Variants in ENTPD4 observed in about 807,000 individuals in gnomAD.
The protein encoded by ENTPD4 is ectonucleoside triphosphate diphosphohydrolase 4, also known as Golgi UDPase.
Under a neutral mutation model 79.1 loss-of-function variants are expected in ENTPD4, and 60 were observed. The observed-to-expected ratio is 0.76, with a 90% CI of 0.62 to 0.94. The LOEUF (loss-of-function observed/expected upper bound fraction) is 0.94. Ranked by LOEUF, ENTPD4 falls within the 40% of genes least tolerant of loss-of-function variation. The pLI is 0.00. For synonymous variants in ENTPD4, 276 were observed against 292.0 expected, an observed-to-expected ratio of 0.95 and a Z score of 0.56; for missense variants, 772 against 775.1, an observed-to-expected ratio of 1.00 and a Z score of 0.05.
intron 5 of ENTPD4, 99 bp downstream of exon 5, chr8:23,444,351 AATGATG>A (rs957079818): frequency 3.0e-6 from 3 of 992,638 alleles, no homozygotes; most frequent in Admixed American, 2.3e-5. Flanking sequence ...TTTTCCTTTC[AATGATG>A]ATGATGATGA....
In ENTPD4 at chr8:23,432,566, T is replaced by C. The variant is rs1585398434; in HGVS notation, c.*360A>G. On this transcript the variant is annotated 3_prime_UTR_variant, in exon 13 of 13. Transcript: ENST00000358689. The stretch of plus-strand genomic sequence containing the variant: ...CAGGCTGGAGTGCAGTGGTGTGATC[T>C]CGGCTCACTGCAAGCTCTGCCTCCC... The C allele has an allele frequency of 5.0e-6, 4 of 798,550 alleles. No homozygotes were observed. The highest frequency in any genetic ancestry group is 4.6e-6 in the Non-Finnish European group (3 of 651,818). The allele number at this position is 798,550 out of a possible 1,614,324, so 49.5% of individuals were successfully genotyped here. A position where few individuals can be genotyped will look rare whatever the true frequency, so the allele number is the denominator to read the frequency against.
chr8:23,447,391 C>T (rs1800780194), intron 4 of ENTPD4, among the ~76,000 whole-genome samples: 1 of 152,148 alleles, frequency 6.6e-6, no homozygotes, highest in South Asian at 2.1e-4. Context: ...AAAAAACTCT[C>T]CATAATTAAT....
At chr8:23,438,819 T>C (rs1800615390) in intron 9 of ENTPD4, among the ~76,000 whole-genome samples, 1 of 152,236 alleles carries the variant, frequency 6.6e-6, no homozygotes, top group Admixed American at 6.5e-5. Flanking sequence ...AAGGTTTTTA[T>C]TGCTTTTCCT....
chr8:23,449,903 T>C lies in ENTPD4; in HGVS notation c.-3A>G. The C allele has an allele frequency of 6.2e-7, 1 of 1,613,836 alleles. No individual in the cohort carries two copies. The highest frequency in any genetic ancestry group is 8.5e-7 in the Non-Finnish European group (1 of 1,179,722). On this transcript the variant is annotated 5_prime_UTR_variant, in exon 2 of 13. Coordinates refer to ENST00000358689, the MANE Select transcript of ENTPD4 (RefSeq NM_004901.5). The stretch of plus-strand genomic sequence containing the variant: ...AGGCCCATCACTTACCTCCCCATAC[T>C]GAAAGGTCAGCAACAAGGCAATGCT...
rs762601099 is a variant in ENTPD4 at position 23,441,991 on chromosome 8, G to C, written c.727+16C>G. 6.2e-6 allele frequency: 10 copies of C among 1,607,350 alleles called. No individual in the cohort carries two copies. In the East Asian group the frequency reaches 2.0e-4, roughly 32 times the overall value. ...AATTTCCAACTAGATACATTTGTTG[G>C]AACCATGACACTTACCATCTTCAAT... On this transcript the variant is annotated intron_variant, in intron 7 of 12. Transcript: ENST00000358689.
Position 23,429,865 on chromosome 8 carries a change from T to C in ENTPD4, c.*3061A>G, listed in dbSNP as rs2117267344. The stretch of plus-strand genomic sequence containing the variant: ...CTGGTACAGTTCCATGTGTTTCTCT[T>C]CTACTGTAATGTCCCCAGAGGGATT... On this transcript the variant is annotated 3_prime_UTR_variant, in exon 13 of 13. Coordinates refer to ENST00000358689, the MANE Select transcript of ENTPD4 (RefSeq NM_004901.5). 3.0e-6 allele frequency: 3 copies of C among 985,464 alleles called. No homozygotes were observed. The South Asian group carries it at 1.4e-4, about 46-fold the overall frequency. 61.0% of individuals were successfully genotyped at this position (985,464 alleles called of 1,614,324 possible). A position where few individuals can be genotyped will look rare whatever the true frequency, so the allele number is the denominator to read the frequency against.
At chr8:23,436,616 G>A (rs1476490028) in intron 10 of ENTPD4, among the ~76,000 whole-genome samples, 3 of 152,180 alleles carry the variant, frequency 2.0e-5, no homozygotes, top group Non-Finnish European at 4.4e-5. Flanking sequence ...ATCCTGGCAG[G>A]TCAGGGAGGG....
intron 8 of ENTPD4, among the ~76,000 whole-genome samples, chr8:23,440,797 G>C (rs376169162): frequency 1.9e-4 from 29 of 152,212 alleles, no homozygotes; most frequent in African/African-American, 7.0e-4. Flanking sequence ...CACGTTTACA[G>C]ATGAAGAAAC....
In ENTPD4 at chr8:23,431,118, C is replaced by T. The variant is rs750172869; in HGVS notation, c.*1808G>A. On this transcript the variant is annotated 3_prime_UTR_variant, in exon 13 of 13. Transcript: ENST00000358689. The stretch of plus-strand genomic sequence containing the variant: ...AAGCTGCACCTGAGGCAGTTTGAGC[C>T]ACAACTGGGACAGAATTCCCTTGGT... 4 of 441,876 alleles carry T rather than the reference C, an allele frequency of 9.1e-6. No individual in the cohort carries two copies. The highest frequency in any genetic ancestry group is 1.2e-5 in the Non-Finnish European group (4 of 333,720). The allele number at this position is 441,876 out of a possible 1,614,324, so 27.4% of individuals were successfully genotyped here.
intron 11 of ENTPD4, chr8:23,434,735 T>C: frequency 7.8e-7 from 1 of 1,288,864 alleles, no homozygotes; most frequent in Non-Finnish European, 9.9e-7. Flanking sequence ...CATATATCCC[T>C]GAGATAGGTT....
At chr8:23,440,553 A>G (rs1202663232) in intron 8 of ENTPD4, among the ~76,000 whole-genome samples, 1 of 152,170 alleles carries the variant, frequency 6.6e-6, no homozygotes, top group African/African-American at 2.4e-5. Flanking sequence ...ATTGAGAGGG[A>G]AAAACATGAT....
At chr8:23,440,328 T>C (rs1375016447) in intron 8 of ENTPD4, among the ~76,000 whole-genome samples, 2 of 152,154 alleles carry the variant, frequency 1.3e-5, no homozygotes, top group Non-Finnish European at 2.9e-5. Context: ...CAATAGCTTA[T>C]GGAGGAACAT....
chr8:23,438,898 C>T (rs565192044), intron 9 of ENTPD4, among the ~76,000 whole-genome samples: 1 of 152,076 alleles, frequency 6.6e-6, no homozygotes, highest in Non-Finnish European at 1.5e-5. Context: ...AAGTTCAGGC[C>T]TTCACAGGTT....
chr8:23,443,794 G>T, intron 6 of ENTPD4, 56 bp downstream of exon 6: 1 of 995,638 alleles, frequency 1.0e-6, no homozygotes, highest in South Asian at 1.3e-5. Flanking sequence ...GGTGAAAATG[G>T]GGAGGATTTA....
Position 23,447,690 on chromosome 8 carries a change from C to T in ENTPD4, c.402G>A (p.Lys134=), listed in dbSNP as rs201911830. The change falls in exon 4 of 13, where the codon AAG becomes AAA. Residue 134 remains lysine, a synonymous_variant. Coordinates refer to ENST00000358689, the MANE Select transcript of ENTPD4 (RefSeq NM_004901.5). ...RDKNRKPVVM[K]IKPGISEFAT... ...TTCTCATTTACATACCCGGTTTTAT[C>T]TTCATGACCACTGGCTTTCGGTTTT... The T allele has an allele frequency of 6.2e-7, 1 of 1,613,900 alleles. No individual in the cohort carries two copies. The highest frequency in any genetic ancestry group is 1.3e-5 in the African/African-American group (1 of 75,050).
chr8:23,440,196 G>A lies in ENTPD4; in HGVS notation c.883-281C>T, dbSNP rs1800643675. 4 of 300,010 alleles carry A rather than the reference G, an allele frequency of 1.3e-5. No homozygotes were observed. The South Asian group carries it at 3.0e-4, about 23-fold the overall frequency. 18.6% of individuals were successfully genotyped at this position (300,010 alleles called of 1,614,324 possible). A position where few individuals can be genotyped will look rare whatever the true frequency, so the allele number is the denominator to read the frequency against. On this transcript the variant is annotated intron_variant, in intron 8 of 12. Transcript: ENST00000358689. ...TAATTTATTTCTGGAATCCTATGCT[G>A]TGGAAATACACCTAAACATGGAAAT...
At position 23,431,082 on chromosome 8, in the gene ENTPD4, AGAC is replaced by A. The variant is rs953914827; in HGVS notation, c.*1841_*1843del. ...GGATCAGATGCATTTTACCTTCCAG[AGAC>A]GCAGGTTAAGCTGCACCTGAGGCAG... On this transcript the variant is annotated 3_prime_UTR_variant, in exon 13 of 13. Transcript: ENST00000358689. The A allele has an allele frequency of 8.7e-6, 6 of 691,080 alleles. No individual in the cohort carries two copies. The highest frequency in any genetic ancestry group is 1.1e-5 in the Non-Finnish European group (6 of 561,094). 42.8% of individuals were successfully genotyped at this position (691,080 alleles called of 1,614,324 possible).
In ENTPD4 at chr8:23,433,053, A is replaced by G; in HGVS notation, c.1724T>C (p.Leu575Pro). 6.2e-7 allele frequency: 1 copy of G among 1,614,208 alleles called. No homozygotes were observed. Among genetic ancestry groups the G allele is most frequent in the South Asian group, 1.1e-5 (1 of 91,086 alleles). The change falls in exon 13 of 13, where the codon CTG becomes CCG. Residue 575 changes from leucine (L) to proline (P), a missense_variant. Transcript: ENST00000358689. ...CAGCAGGTACAGCAGGATGGCCAGC[A>G]GCACCACCAGGAAGCAGCCAGAGAA... ...YLFSGCFLVV[L>P]LAILLYLLRL...
intron 9 of ENTPD4, among the ~76,000 whole-genome samples, chr8:23,438,605 T>A (rs747048276): frequency 1.3e-5 from 2 of 152,190 alleles, no homozygotes; most frequent in Non-Finnish European, 2.9e-5. Flanking sequence ...ATATAAAGCT[T>A]TCTGACATTA....
Sources: gnomAD v4.1 joint callset for allele counts (sites outside exome capture counted in the v4.1 genomes callset) on GRCh38, gnomAD v4.1.1 for gene constraint, MANE v1.5 for transcripts, NCBI Gene and HGNC (gene_info 2026-07-23, HGNC 2026-07-21) for gene names.